The following CFAP61 variants were observed in gnomAD, a reference collection of about 807,000 sequenced individuals.
CFAP61 encodes the protein cilia- and flagella-associated protein 61.
A neutral mutation model predicts 135.6 loss-of-function variants in CFAP61; 107 were observed. The ratio of observed to expected loss-of-function variants is 0.79; its 90% CI spans 0.67 to 0.93. The LOEUF (loss-of-function observed/expected upper bound fraction) is 0.93. Among genes scored for constraint, CFAP61 ranks in the 40% least tolerant of loss-of-function variants. The probability of loss-of-function intolerance (pLI) is 0.00; values close to 1 mark genes in which losing one functional copy is unlikely to be tolerated. For missense variants in CFAP61, 1,507 were observed against 1,556.2 expected (o/e 0.97, Z 0.53); for synonymous variants, 575 against 578.5 (o/e 0.99, Z 0.09).
At chr20:20,119,479 A>T (rs2049441601) in intron 8 of CFAP61, among the ~76,000 whole-genome samples, 1 of 151,770 alleles carries the variant, frequency 6.6e-6, no homozygotes, top group Non-Finnish European at 1.5e-5. Context: ...TATGTTTCTG[A>T]TTTTATTTGA....
chr20:20,103,293 T>C (rs188985512), intron 8 of CFAP61, among the ~76,000 whole-genome samples: 3 of 152,306 alleles, frequency 2.0e-5, no homozygotes, highest in Admixed American at 1.3e-4. Flanking sequence ...ACCTGAATAA[T>C]TTGTGTATGT....
At chr20:20,070,817 A>G in intron 2 of CFAP61, 37 bp from the exon 3 acceptor site, 1 of 1,590,388 alleles carries the variant, frequency 6.3e-7, no homozygotes, top group Non-Finnish European at 8.6e-7. Context: ...ACTTTTTGTA[A>G]TCTTATTCAT....
At chr20:20,106,853 T>C (rs1010199325) in intron 8 of CFAP61, among the ~76,000 whole-genome samples, 6 of 152,110 alleles carry the variant, frequency 3.9e-5, no homozygotes, top group Non-Finnish European at 8.8e-5. Flanking sequence ...CGAAAGATTA[T>C]GCAAAAAAAA....
chr20:20,099,578 CGGG>C (rs59967144), intron 8 of CFAP61, among the ~76,000 whole-genome samples: 1 of 150,532 alleles, frequency 6.6e-6, no homozygotes, highest in Non-Finnish European at 1.5e-5. Context: ...ACCTCCCACA[CGGG>C]GGGGGGGTTG....
chr20:20,162,314 A>G (rs1159121857), intron 10 of CFAP61, among the ~76,000 whole-genome samples: 1 of 152,188 alleles, frequency 6.6e-6, no homozygotes, highest in African/African-American at 2.4e-5. Context: ...GAAAGATAAC[A>G]TATTTACAGG....
At chr20:20,251,129 G>A (rs559817011) in intron 19 of CFAP61, among the ~76,000 whole-genome samples, 4 of 152,314 alleles carry the variant, frequency 2.6e-5, no homozygotes, top group African/African-American at 4.8e-5. Flanking sequence ...AAGTATTAGC[G>A]AATAGGAAGG....
chr20:20,131,690 A>G (rs983347374), intron 8 of CFAP61, among the ~76,000 whole-genome samples: 1 of 151,590 alleles, frequency 6.6e-6, no homozygotes, highest in East Asian at 1.9e-4. Flanking sequence ...TGTTTTTTTA[A>G]TATATATATA....
chr20:20,057,332 A>G (rs959316874), intron 2 of CFAP61, among the ~76,000 whole-genome samples: 3 of 152,186 alleles, frequency 2.0e-5, no homozygotes, highest in African/African-American at 4.8e-5. Context: ...TTTGGATTCA[A>G]ACAAACTTGG....
intron 2 of CFAP61, among the ~76,000 whole-genome samples, chr20:20,059,463 A>T (rs1003584413): frequency 3.3e-5 from 5 of 150,526 alleles, no homozygotes; most frequent in Non-Finnish European, 7.4e-5. Flanking sequence ...CCAAAAATAC[A>T]AAAAATTAGC....
Position 20,260,514 on chromosome 20 carries a change from C to CAGAAA in CFAP61, c.2329-2441_2329-2440insGAAAA, listed in dbSNP as rs1261189013. On this transcript the variant is annotated intron_variant, in intron 20 of 26. Transcript: ENST00000245957. Reference sequence around the variant, plus strand: ...CTGCTTTGTGAAAATGCCATAATCCCATTAGTTTTTCTTTAATTGCTCTTA... The same window carrying CAGAAA: ...CTGCTTTGTGAAAATGCCATAATCCCAGAAAATTAGTTTTTCTTTAATTGCTCTTA... Among the ~76,000 whole-genome samples the CAGAAA allele has an allele frequency of 2.2e-4, 34 of 152,310 alleles. No homozygotes were observed. The East Asian group carries it at 5.6e-3, about 25-fold the overall frequency.
chr20:20,207,494 G>T (rs2056908821), intron 17 of CFAP61, among the ~76,000 whole-genome samples: 1 of 152,236 alleles, frequency 6.6e-6, no homozygotes, highest in Non-Finnish European at 1.5e-5. Flanking sequence ...GAAGCCTGCA[G>T]CCTAGCAAGG....
chr20:20,343,640 C>A (rs2058530085), intron 26 of CFAP61, among the ~76,000 whole-genome samples: 1 of 152,212 alleles, frequency 6.6e-6, no homozygotes, highest in African/African-American at 2.4e-5. Flanking sequence ...AGACACCTTC[C>A]TTCCTTGCAG....
rs753549658 is a variant in CFAP61 at position 20,288,931 on chromosome 20, T to C, written c.3119T>C (p.Ile1040Thr). 1 of 1,605,510 alleles carries C rather than the reference T, an allele frequency of 6.2e-7. No homozygotes were observed. Among genetic ancestry groups the C allele is most frequent in the Non-Finnish European group, 8.5e-7 (1 of 1,172,936 alleles). Residue 1040 changes from isoleucine (I) to threonine (T), a missense_variant, in exon 23 of 27, where the codon ATT becomes ACT. By Grantham distance (89) the Ile-to-Thr change is moderately conservative. Coordinates refer to ENST00000245957, the MANE Select transcript of CFAP61 (RefSeq NM_015585.4). Reference sequence around the variant, plus strand: ...ATCCCCATGTACAAGGGAGCCAAGATTCAAGGTATACGAGTAGGCTTCCTT... The same window carrying C: ...ATCCCCATGTACAAGGGAGCCAAGACTCAAGGTATACGAGTAGGCTTCCTT... ...RLIPMYKGAK[I>T]QGGILPGSYH...
chr20:20,164,281 G>A, intron 11 of CFAP61, 53 bp downstream of exon 11: 2 of 1,530,082 alleles, frequency 1.3e-6, no homozygotes, highest in South Asian at 2.4e-5. Flanking sequence ...TTCTGGCATT[G>A]GTGGCCCAAC....
intron 21 of CFAP61, among the ~76,000 whole-genome samples, chr20:20,269,162 C>CAT (rs1569219312): frequency 2.1e-5 from 2 of 96,792 alleles, no homozygotes; most frequent in East Asian, 2.1e-4. Context: ...CACACACACA[C>CAT]ACATACATAT....
At chr20:20,099,565 A>ACT (rs2047853739) in intron 8 of CFAP61, among the ~76,000 whole-genome samples, 1 of 100,458 alleles carries the variant, frequency 1.0e-5, no homozygotes, top group East Asian at 3.6e-4. Flanking sequence ...GCATAATAGT[A>ACT]ATACCTCCCA....
chr20:20,276,602 C>A (rs143441452), intron 21 of CFAP61, among the ~76,000 whole-genome samples: 2 of 152,282 alleles, frequency 1.3e-5, no homozygotes, highest in Non-Finnish European at 2.9e-5. Flanking sequence ...GTCCCTCTAG[C>A]TAGGTCTTGA....
intron 25 of CFAP61, among the ~76,000 whole-genome samples, chr20:20,334,127 ACTT>A (rs942785283): frequency 4.2e-4 from 64 of 151,898 alleles, no homozygotes; most frequent in African/African-American, 1.3e-3. Context: ...AGCAATGTTA[ACTT>A]CTTCTTTTTT....
At chr20:20,326,389 T>A (rs1172052705) in intron 25 of CFAP61, among the ~76,000 whole-genome samples, 4 of 152,342 alleles carry the variant, frequency 2.6e-5, no homozygotes, top group Admixed American at 6.5e-5. Context: ...TCTTTTTGAA[T>A]TCTGTCTCCT....
Sources: allele counts gnomAD v4.1 joint callset (sites outside exome capture counted in the v4.1 genomes callset), GRCh38; gene constraint gnomAD v4.1.1; transcripts MANE v1.5; gene names NCBI Gene and HGNC (gene_info 2026-07-23, HGNC 2026-07-21).